Variants in DSCAML1 observed in about 807,000 individuals in gnomAD.
The protein encoded by DSCAML1 is cell adhesion molecule DSCAML1.
A neutral mutation model predicts 200.5 loss-of-function variants in DSCAML1; 38 were observed. The observed-to-expected ratio is 0.19, with a 90% CI of 0.15 to 0.25. The LOEUF (loss-of-function observed/expected upper bound fraction) is 0.25, where lower values mean the gene tolerates loss of function less well. Among genes scored for constraint, DSCAML1 ranks in the 10% least tolerant of loss-of-function variants. DSCAML1 has a pLI of 1.00. For synonymous variants in DSCAML1, 1,215 were observed against 1,165.0 expected, an observed-to-expected ratio of 1.04 and a Z score of -0.87; for missense variants, 2,223 against 2,858.8, an observed-to-expected ratio of 0.78 and a Z score of 5.07.
chr11:117,463,647 G>A lies in DSCAML1; in HGVS notation c.3265+1295C>T, dbSNP rs1415198277. On this transcript the variant is annotated intron_variant, in intron 17 of 32. Transcript: ENST00000651296. The surrounding 1 kb of genome is among the most constrained non-coding windows in gnomAD (Gnocchi z 4.0). ...AGGCCCGAGGCCAGCATCTCAGGGTGGGAGGGATGGAGAGGGATAGCGAGG... is the reference window on the plus strand; with the variant it reads ...AGGCCCGAGGCCAGCATCTCAGGGTAGGAGGGATGGAGAGGGATAGCGAGG... 1.3e-5 allele frequency among the ~76,000 whole-genome samples: 2 copies of A among 152,154 alleles called. No individual in the cohort carries two copies. Among genetic ancestry groups the A allele is most frequent in the African/African-American group, 2.4e-5 (1 of 41,444 alleles).
At chr11:117,784,076 C>T (rs563722260) in intron 1 of DSCAML1, among the ~76,000 whole-genome samples, 2 of 152,310 alleles carry the variant, frequency 1.3e-5, no homozygotes, top group South Asian at 4.1e-4. Flanking sequence ...ATTGTCCAGC[C>T]ACCTGTCAGG....
chr11:117,792,528 G>C (rs1591516069), intron 1 of DSCAML1, among the ~76,000 whole-genome samples: 2 of 150,784 alleles, frequency 1.3e-5, no homozygotes, highest in African/African-American at 4.8e-5. Context: ...CCCTAGGGGA[G>C]GTGGAATGAG....
At chr11:117,528,244 G>A (rs939225767) in intron 4 of DSCAML1, among the ~76,000 whole-genome samples, 3 of 151,660 alleles carry the variant, frequency 2.0e-5, no homozygotes, top group African/African-American at 7.3e-5. Context: ...ACACTTAATT[G>A]ATGCAAAATA....
Position 117,450,632 on chromosome 11 carries a change from C to G in DSCAML1, c.3625G>C (p.Val1209Leu), listed in dbSNP as rs148185662. 374 of 1,614,222 alleles carry G rather than the reference C, an allele frequency of 2.3e-4. No individual in the cohort carries two copies. The highest frequency in any genetic ancestry group is 1.3e-3 in the East Asian group (58 of 44,882). Reference sequence around the variant, plus strand: ...GGCTTGGTAGGGGGGAGCCAAGACACAACCACACTGCTAGCTGATGAAGGG... The same window carrying G: ...GGCTTGGTAGGGGGGAGCCAAGACAGAACCACACTGCTAGCTGATGAAGGG... ...AVPSSASSVV[V>L]SWLPPTKPNG... The change falls in exon 20 of 33, where the codon GTG becomes CTG. Residue 1209 changes from valine (V) to leucine (L), a missense_variant. Val to Leu is a conservative substitution (Grantham distance 32). Coordinates refer to ENST00000651296, the MANE Select transcript of DSCAML1 (RefSeq NM_020693.4).
intron 8 of DSCAML1, among the ~76,000 whole-genome samples, chr11:117,512,494 G>A (rs1167189486): frequency 6.6e-6 from 1 of 152,190 alleles, no homozygotes; most frequent in East Asian, 1.9e-4. Flanking sequence ...TTTTGGAGTG[G>A]TGGGGGCACG....
At chr11:117,431,465 A>G in intron 31 of DSCAML1, 69 bp downstream of exon 31, 1 of 1,396,692 alleles carries the variant, frequency 7.2e-7, no homozygotes. Flanking sequence ...TGGGAAGAAT[A>G]GAAGGTGAAG....
chr11:117,767,149 G>A (rs972351356), intron 3 of DSCAML1, among the ~76,000 whole-genome samples: 2 of 152,086 alleles, frequency 1.3e-5, no homozygotes, highest in African/African-American at 2.4e-5. Context: ...AGGTGATGCC[G>A]GCCGCAGGGC....
At chr11:117,491,319 C>A (rs2049177603) in intron 11 of DSCAML1, among the ~76,000 whole-genome samples, 1 of 152,208 alleles carries the variant, frequency 6.6e-6, no homozygotes, top group Non-Finnish European at 1.5e-5. Flanking sequence ...CCTGCATTAA[C>A]TCATGGAATC....
rs182495464 is a variant in DSCAML1, at chr11:117,479,845, G to A, written c.2785+598C>T. ...TGTATTTTTAGTAGAGATGGGGTTC[G>A]CCATGTTGACCAGACTGGTCTCGAA... On this transcript the variant is annotated intron_variant, in intron 14 of 32. Coordinates refer to ENST00000651296, the MANE Select transcript of DSCAML1 (RefSeq NM_020693.4). 1.9e-3 allele frequency among the ~76,000 whole-genome samples: 296 copies of A among 152,182 alleles called. 2 individuals are homozygous for A. Among genetic ancestry groups the A allele is most frequent in the African/African-American group, 6.6e-3 (276 of 41,520 alleles).
At chr11:117,578,374 C>G (rs114223409) in intron 3 of DSCAML1, among the ~76,000 whole-genome samples, 1,526 of 152,138 alleles carry the variant, frequency 0.01, 24 homozygotes, top group African/African-American at 0.034. Context: ...TGTTCCACAT[C>G]TAAATATTGG....
intron 3 of DSCAML1, among the ~76,000 whole-genome samples, chr11:117,673,764 C>T (rs915278386): frequency 2.6e-5 from 4 of 152,220 alleles, no homozygotes; most frequent in Admixed American, 2.0e-4. Context: ...TGTTGGTTGG[C>T]CCCAGCTGTG....
At chr11:117,802,771 TTA>T (rs2055673308) in intron 1 of DSCAML1, among the ~76,000 whole-genome samples, 1 of 152,164 alleles carries the variant, frequency 6.6e-6, no homozygotes, top group Non-Finnish European at 1.5e-5. Context: ...TCCAGAGGCT[TTA>T]TGTTTTCGTC....
At chr11:117,751,920 T>C (rs1214549438) in intron 3 of DSCAML1, among the ~76,000 whole-genome samples, 1 of 152,210 alleles carries the variant, frequency 6.6e-6, no homozygotes, top group Non-Finnish European at 1.5e-5. Context: ...AGGGCTTCCC[T>C]AGGCCGAGAT....
intron 3 of DSCAML1, among the ~76,000 whole-genome samples, chr11:117,591,778 G>A (rs1042885582): frequency 2.6e-5 from 4 of 152,146 alleles, no homozygotes; most frequent in East Asian, 1.9e-4. Flanking sequence ...ATTCTGGAAC[G>A]AGGGAGGAGC....
intron 3 of DSCAML1, among the ~76,000 whole-genome samples, chr11:117,704,419 T>C (rs1412278362): frequency 6.6e-6 from 1 of 152,116 alleles, no homozygotes; most frequent in Non-Finnish European, 1.5e-5. Context: ...CCCCTTCCCA[T>C]ATGTTGTGTG....
intron 3 of DSCAML1, among the ~76,000 whole-genome samples, chr11:117,589,509 G>T (rs888361633): frequency 6.6e-6 from 1 of 152,180 alleles, no homozygotes; most frequent in Non-Finnish European, 1.5e-5. Context: ...AATGGTTCTT[G>T]TAAAGGAAAT....
At chr11:117,762,102 C>T (rs2054814359) in intron 3 of DSCAML1, among the ~76,000 whole-genome samples, 1 of 152,144 alleles carries the variant, frequency 6.6e-6, no homozygotes, top group Admixed American at 6.5e-5. Context: ...TAGCCTTGGG[C>T]AAGACATTTC....
intron 3 of DSCAML1, among the ~76,000 whole-genome samples, chr11:117,753,859 A>G (rs1041629958): frequency 1.3e-5 from 2 of 152,172 alleles, no homozygotes; most frequent in Non-Finnish European, 2.9e-5. Context: ...CTGTTACTCT[A>G]TGTGACTCTG....
chr11:117,798,690 T>A (rs566191320), upstream of DSCAML1, among the ~76,000 whole-genome samples: 10 of 152,204 alleles, frequency 6.6e-5, no homozygotes, highest in Admixed American at 3.3e-4. Context: ...AGGTACCTCA[T>A]AAGTGAGATC....
Sources: gnomAD v4.1 joint callset for allele counts (sites outside exome capture counted in the v4.1 genomes callset) on GRCh38, gnomAD v4.1.1 for gene constraint, Gnocchi (gnomAD v3.1) non-coding constraint, MANE v1.5 for transcripts, NCBI Gene and HGNC (gene_info 2026-07-23, HGNC 2026-07-21) for gene names.